TACR3: variants seen among roughly 807,000 people sequenced by gnomAD.
TACR3 encodes the protein neuromedin-K receptor.
Under a neutral mutation model 35.0 loss-of-function variants are expected in TACR3, and 34 were observed. That is an observed-to-expected ratio of 0.97 (90% CI 0.74 to 1.30). The LOEUF (loss-of-function observed/expected upper bound fraction) is 1.30, where lower values mean the gene tolerates loss of function less well. TACR3 is among the 50% of genes most tolerant of loss of function. The pLI, the probability that TACR3 is intolerant of heterozygous loss-of-function variation, is 0.00. For missense variants in TACR3, 558 were observed against 591.7 expected (o/e 0.94, Z 0.59); for synonymous variants, 233 against 221.1 (o/e 1.05, Z -0.48).
At chr4:103,692,853 C>T (rs976939855) in intron 1 of TACR3, among the ~76,000 whole-genome samples, 2 of 152,090 alleles carry the variant, frequency 1.3e-5, no homozygotes, top group African/African-American at 4.8e-5. Flanking sequence ...ATTGCCCAGG[C>T]TTCTATGAGT....
At chr4:103,627,054 C>A (rs1028126451) in intron 3 of TACR3, among the ~76,000 whole-genome samples, 1 of 150,620 alleles carries the variant, frequency 6.6e-6, no homozygotes, top group African/African-American at 2.4e-5. Flanking sequence ...TGGTGGCAGG[C>A]ACCTGTAGTC....
chr4:103,646,166 C>G (rs2110322837), intron 3 of TACR3, among the ~76,000 whole-genome samples: 1 of 152,144 alleles, frequency 6.6e-6, no homozygotes, highest in South Asian at 2.1e-4. Flanking sequence ...AACCCTTCCT[C>G]CAGGTGGAGA....
In TACR3 at chr4:103,589,974, C is replaced by T; in HGVS notation, c.1106G>A (p.Arg369Lys). The change falls in exon 5 of 5, where the codon AGA becomes AAA. Residue 369 changes from arginine (R) to lysine (K), a missense_variant. By Grantham distance (26) the Arg-to-Lys change is conservative. Transcript: ENST00000304883. ...GATGAAAGGACACCAGCGAAATGCTCTCTTGAAGCCAGCTCGAAATCTGAG... is the reference window on the plus strand; with the variant it reads ...GATGAAAGGACACCAGCGAAATGCTTTCTTGAAGCCAGCTCGAAATCTGAG... Reference protein sequence around the residue: ...LNKRFRAGFKRAFRWCPFIKV... With the variant: ...LNKRFRAGFKKAFRWCPFIKV... 1 of 1,613,702 alleles carries T rather than the reference C, an allele frequency of 6.2e-7. No individual in the cohort carries two copies. Among genetic ancestry groups the T allele is most frequent in the Non-Finnish European group, 8.5e-7 (1 of 1,179,802 alleles).
intron 3 of TACR3, among the ~76,000 whole-genome samples, chr4:103,593,094 A>G (rs757989581): frequency 2.6e-5 from 4 of 152,110 alleles, no homozygotes; most frequent in Non-Finnish European, 4.4e-5. Context: ...TATTTCTCAG[A>G]TTTCCTATTC....
Position 103,689,237 on chromosome 4 carries a change from C to G in TACR3, c.548+29891G>C, listed in dbSNP as rs1722339880. ...GGCACAGGAAGGGGAACATCACACT[C>G]TGGGGACTGTTGTGGGGTCGGGGGA... On this transcript the variant is annotated intron_variant, in intron 1 of 4. Coordinates refer to ENST00000304883, the MANE Select transcript of TACR3 (RefSeq NM_001059.3). 2.6e-5 allele frequency among the ~76,000 whole-genome samples: 3 copies of G among 113,316 alleles called. No homozygotes were observed. In the South Asian group the frequency reaches 8.2e-4, roughly 31 times the overall value. The allele number at this position is 113,316 out of a possible 152,430, so 74.3% of individuals were successfully genotyped here. A position where few individuals can be genotyped will look rare whatever the true frequency, so the allele number is the denominator to read the frequency against.
chr4:103,632,431 G>T (rs1348303180), intron 3 of TACR3, among the ~76,000 whole-genome samples: 1 of 151,966 alleles, frequency 6.6e-6, no homozygotes, highest in Non-Finnish European at 1.5e-5. Context: ...AACTAACACA[G>T]GAACAGAAAA....
In TACR3 at chr4:103,618,818, G is replaced by C. The variant is rs533088434; in HGVS notation, c.889-27135C>G. Reference sequence around the variant, plus strand: ...CTTGTAAAGATCTTCCACCTCCTTGGTCAGTTGTATTTGTAGGCATTTTAT... The same window carrying C: ...CTTGTAAAGATCTTCCACCTCCTTGCTCAGTTGTATTTGTAGGCATTTTAT... On this transcript the variant is annotated intron_variant, in intron 3 of 4. Transcript: ENST00000304883. Among the ~76,000 whole-genome samples, 4 of 151,974 alleles carry C rather than the reference G, an allele frequency of 2.6e-5. No homozygotes were observed. The East Asian group carries it at 7.7e-4, about 29-fold the overall frequency.
At chr4:103,632,983 T>TG (rs1244239793) in intron 3 of TACR3, among the ~76,000 whole-genome samples, 2 of 152,026 alleles carry the variant, frequency 1.3e-5, no homozygotes, top group African/African-American at 4.8e-5. Flanking sequence ...GAGTACATAT[T>TG]GTAAAAAAAA....
intron 3 of TACR3, among the ~76,000 whole-genome samples, chr4:103,653,899 T>C (rs1725676689): frequency 2.0e-5 from 3 of 152,042 alleles, no homozygotes; most frequent in Admixed American, 6.6e-5. Context: ...TATGAACAGA[T>C]ACTTCTCAAA....
rs17033995 is a variant in TACR3 at position 103,680,183 on chromosome 4, C to T, written c.549-21780G>A. On this transcript the variant is annotated intron_variant, in intron 1 of 4. Coordinates refer to ENST00000304883, the MANE Select transcript of TACR3 (RefSeq NM_001059.3). Reference sequence around the variant, plus strand: ...ATGGGATGTTTCATCATATGGGTGACGTTTACATAAACAATAAAAAAAGCC... The same window carrying T: ...ATGGGATGTTTCATCATATGGGTGATGTTTACATAAACAATAAAAAAAGCC... Among the ~76,000 whole-genome samples the T allele has an allele frequency of 8.2e-3, 1,239 of 151,358 alleles. 20 individuals are homozygous for T. The highest frequency in any genetic ancestry group is 0.029 in the African/African-American group (1,179 of 41,264).
chr4:103,705,607 G>C (rs548872232), intron 1 of TACR3, among the ~76,000 whole-genome samples: 2 of 152,102 alleles, frequency 1.3e-5, no homozygotes, highest in Non-Finnish European at 2.9e-5. Context: ...TGTGCTATGG[G>C]AATCTATAAG....
intron 3 of TACR3, among the ~76,000 whole-genome samples, chr4:103,646,543 G>C (rs1003483958): frequency 7.2e-5 from 11 of 151,842 alleles, no homozygotes; most frequent in Admixed American, 7.2e-4. Context: ...TTGCTAATTA[G>C]TCATTGGTCT....
intron 3 of TACR3, among the ~76,000 whole-genome samples, chr4:103,630,307 G>A (rs1434447053): frequency 6.6e-6 from 1 of 152,128 alleles, no homozygotes; most frequent in Non-Finnish European, 1.5e-5. Context: ...AACACCAAAA[G>A]CAATGGCAAC....
At chr4:103,638,423 T>A (rs1451589370) in intron 3 of TACR3, among the ~76,000 whole-genome samples, 1 of 151,904 alleles carries the variant, frequency 6.6e-6, no homozygotes, top group Non-Finnish European at 1.5e-5. Context: ...TCCTTACACC[T>A]TATACAAAAA....
chr4:103,613,201 C>T (rs569601284), intron 3 of TACR3, among the ~76,000 whole-genome samples: 9 of 152,044 alleles, frequency 5.9e-5, no homozygotes, highest in East Asian at 3.9e-4. Context: ...ATAACATAGG[C>T]GTTGTGATTA....
intron 1 of TACR3, among the ~76,000 whole-genome samples, chr4:103,714,250 T>C (rs1215205740): frequency 6.6e-6 from 1 of 152,174 alleles, no homozygotes; most frequent in Non-Finnish European, 1.5e-5. Context: ...TTGTGGTTAA[T>C]ATAACCTTGA....
chr4:103,717,903 AGATTGAC>A (rs1044860219), intron 1 of TACR3, among the ~76,000 whole-genome samples: 1 of 152,140 alleles, frequency 6.6e-6, no homozygotes, highest in Non-Finnish European at 1.5e-5. Flanking sequence ...GAGAAAGGGA[AGATTGAC>A]GATTTTAGAG....
intron 3 of TACR3, among the ~76,000 whole-genome samples, chr4:103,632,232 A>G (rs537647752): frequency 2.0e-5 from 3 of 152,160 alleles, no homozygotes; most frequent in Non-Finnish European, 4.4e-5. Flanking sequence ...TGAGACAGAA[A>G]ACATTGAAAC....
chr4:103,699,549 T>C (rs1225412104), intron 1 of TACR3, among the ~76,000 whole-genome samples: 1 of 152,102 alleles, frequency 6.6e-6, no homozygotes, highest in Admixed American at 6.6e-5. Flanking sequence ...GAGAACAAAC[T>C]TAAGGGAAAC....
Sources: gnomAD v4.1 joint callset for allele counts (sites outside exome capture counted in the v4.1 genomes callset) on GRCh38, gnomAD v4.1.1 for gene constraint, MANE v1.5 for transcripts, NCBI Gene and HGNC (gene_info 2026-07-23, HGNC 2026-07-21) for gene names.